PINX1: variants seen among roughly 807,000 people sequenced by gnomAD.
PINX1 encodes PIN2 (TERF1) interacting telomerase inhibitor 1.
PINX1 carries 34 observed loss-of-function variants against 25.4 expected under a neutral mutation model. The observed-to-expected ratio is 1.34, with a 90% CI of 1.02 to 1.78. The LOEUF (loss-of-function observed/expected upper bound fraction) is 1.78. Among genes scored for constraint, PINX1 ranks in the 40% most tolerant of loss-of-function variants. PINX1 has a pLI of 0.00. For missense variants in PINX1, 592 were observed against 404.9 expected (o/e 1.46, Z -3.97); for synonymous variants, 197 against 147.7 (o/e 1.33, Z -2.42).
intron 1 of PINX1, among the ~76,000 whole-genome samples, chr8:10,837,098 G>T (rs973990478): frequency 6.6e-6 from 1 of 152,158 alleles, no homozygotes; most frequent in Non-Finnish European, 1.5e-5. Flanking sequence ...CCCACCATTC[G>T]CAGAACTGGT....
intron 6 of PINX1, among the ~76,000 whole-genome samples, chr8:10,807,327 ACC>A (rs58400319): frequency 7.2e-4 from 23 of 32,088 alleles, no homozygotes; most frequent in African/African-American, 1.9e-3. Flanking sequence ...TCCCCCCCCC[ACC>A]CCCCCCCCCA....
At chr8:10,793,742 TGA>T (rs1165157439) in intron 6 of PINX1, among the ~76,000 whole-genome samples, 2 of 151,534 alleles carry the variant, frequency 1.3e-5, no homozygotes, top group Admixed American at 6.6e-5. Context: ...AAAAGTATAG[TGA>T]ATTTACAAAC....
chr8:10,775,698 A>G (rs1801370203), intron 6 of PINX1, among the ~76,000 whole-genome samples: 1 of 152,230 alleles, frequency 6.6e-6, no homozygotes, highest in Admixed American at 6.5e-5. Flanking sequence ...TTAAGATAGT[A>G]TAAGTGGCAA....
intron 4 of PINX1, among the ~76,000 whole-genome samples, chr8:10,829,628 C>G (rs1275250630): frequency 2.0e-5 from 3 of 152,100 alleles, no homozygotes; most frequent in Admixed American, 6.5e-5. Context: ...GTGTTTGTCT[C>G]TAAACCACTG....
rs762854887 is a variant in PINX1 at position 10,839,712 on chromosome 8, G to A, written c.19+26C>T. Reference sequence around the variant, plus strand: ...CCGGCATCTTCACCAACGCGCCTGGGTCGGGCCTCCGCTTCCGACACTCAC... The same window carrying A: ...CCGGCATCTTCACCAACGCGCCTGGATCGGGCCTCCGCTTCCGACACTCAC... On this transcript the variant is annotated intron_variant, in intron 1 of 6. Coordinates refer to ENST00000314787, the MANE Select transcript of PINX1 (RefSeq NM_017884.6). 6.9e-6 allele frequency: 11 copies of A among 1,598,580 alleles called. No individual in the cohort carries two copies. The East Asian group carries it at 2.3e-4, about 33-fold the overall frequency.
chr8:10,798,564 G>A (rs1802162658), intron 6 of PINX1, among the ~76,000 whole-genome samples: 1 of 152,122 alleles, frequency 6.6e-6, no homozygotes, highest in African/African-American at 2.4e-5. Flanking sequence ...GGACTCCTGG[G>A]GAAAAAAAGC....
At chr8:10,797,288 A>G (rs1447053390) in intron 6 of PINX1, among the ~76,000 whole-genome samples, 1 of 152,048 alleles carries the variant, frequency 6.6e-6, no homozygotes, top group Non-Finnish European at 1.5e-5. Context: ...TTTCAACCGC[A>G]CTCTAAAAAC....
intron 6 of PINX1, among the ~76,000 whole-genome samples, chr8:10,809,134 C>T (rs998332512): frequency 6.6e-6 from 1 of 152,198 alleles, no homozygotes; most frequent in Non-Finnish European, 1.5e-5. Context: ...AATGGCGACA[C>T]ATTAAAGCCA....
chr8:10,783,781 C>G (rs1259551713), intron 6 of PINX1, among the ~76,000 whole-genome samples: 1 of 152,200 alleles, frequency 6.6e-6, no homozygotes, highest in Non-Finnish European at 1.5e-5. Flanking sequence ...GATTAAAGTA[C>G]TATTACTCAG....
At chr8:10,830,188 C>T (rs1001553938) in intron 4 of PINX1, among the ~76,000 whole-genome samples, 11 of 152,292 alleles carry the variant, frequency 7.2e-5, no homozygotes, top group South Asian at 4.1e-4. Context: ...TAGGACCACA[C>T]ACAGAACTGT....
chr8:10,804,248 C>T (rs1156532294), intron 6 of PINX1, among the ~76,000 whole-genome samples: 6 of 152,124 alleles, frequency 3.9e-5, no homozygotes, highest in Admixed American at 1.3e-4. Context: ...TGTTAGCCGC[C>T]GGGGGCAGTG....
chr8:10,826,393 T>C lies in PINX1; in HGVS notation c.302-149A>G, dbSNP rs1798045160. 9.2e-6 allele frequency: 5 copies of C among 543,480 alleles called. 1 individual carries two copies. In the East Asian group the frequency reaches 1.3e-4, roughly 14 times the overall value. 33.7% of individuals were successfully genotyped at this position (543,480 alleles called of 1,614,324 possible). A position where few individuals can be genotyped will look rare whatever the true frequency, so the allele number is the denominator to read the frequency against. On this transcript the variant is annotated intron_variant, in intron 4 of 6. Coordinates refer to ENST00000314787, the MANE Select transcript of PINX1 (RefSeq NM_017884.6). ...TTCATTTGCTCTGCAACAGCACCCT[T>C]CTGCTGGATCTCTGTTTTCTTTCTA...
intron 6 of PINX1, among the ~76,000 whole-genome samples, chr8:10,817,767 G>C (rs538632468): frequency 1.3e-5 from 2 of 152,190 alleles, no homozygotes; most frequent in East Asian, 3.9e-4. Flanking sequence ...TGACAGGGAA[G>C]ACCTGTACAC....
intron 6 of PINX1, among the ~76,000 whole-genome samples, chr8:10,796,492 A>G (rs540527852): frequency 1.3e-4 from 20 of 152,136 alleles, no homozygotes; most frequent in Non-Finnish European, 2.8e-4. Context: ...AGAACTCTCT[A>G]TGAGAGGAGG....
intron 6 of PINX1, among the ~76,000 whole-genome samples, chr8:10,769,527 T>G (rs556801081): frequency 1.3e-5 from 2 of 152,262 alleles, no homozygotes; most frequent in Non-Finnish European, 2.9e-5. Context: ...GCCCATGGGA[T>G]CACCCTGCTC....
chr8:10,766,199 G>A (rs968126236), intron 6 of PINX1, among the ~76,000 whole-genome samples: 5 of 152,198 alleles, frequency 3.3e-5, no homozygotes, highest in African/African-American at 7.2e-5. Flanking sequence ...ATGTCAGAAG[G>A]GAGCAGGCAA....
At chr8:10,799,972 G>A (rs1001320710) in intron 6 of PINX1, among the ~76,000 whole-genome samples, 1 of 152,166 alleles carries the variant, frequency 6.6e-6, no homozygotes, top group Non-Finnish European at 1.5e-5. Context: ...TTAAATTCCT[G>A]CCAAAGGTCA....
chr8:10,834,854 TTG>T, intron 1 of PINX1, 79 bp from the exon 2 acceptor site: 2 of 601,076 alleles, frequency 3.3e-6, no homozygotes, highest in Non-Finnish European at 5.7e-6. Context: ...ATGCACAACT[TTG>T]TGTATTTTAT....
intron 3 of PINX1, 23 bp from the exon 4 acceptor site, chr8:10,831,766 C>G (rs369201127): frequency 7.0e-7 from 1 of 1,429,692 alleles, no homozygotes; most frequent in Non-Finnish European, 9.7e-7. Context: ...AAGAAATGAA[C>G]GAGAGGTAAG....
Sources: allele counts gnomAD v4.1 joint callset (sites outside exome capture counted in the v4.1 genomes callset), GRCh38; gene constraint gnomAD v4.1.1; transcripts MANE v1.5; gene names NCBI Gene and HGNC (gene_info 2026-07-23, HGNC 2026-07-21).